The following DYSF variants were observed in gnomAD, a reference collection of about 807,000 sequenced individuals.
DYSF encodes the protein dysferlin.
Under a neutral mutation model 274.9 loss-of-function variants are expected in DYSF, and 212 were observed. The ratio of observed to expected loss-of-function variants is 0.77; its 90% CI spans 0.69 to 0.86. The LOEUF (loss-of-function observed/expected upper bound fraction) is 0.86. Ranked by LOEUF, DYSF falls within the 40% of genes least tolerant of loss-of-function variation. The pLI, the probability that DYSF is intolerant of heterozygous loss-of-function variation, is 0.00. For synonymous variants in DYSF, 1,091 were observed against 1,078.7 expected, an observed-to-expected ratio of 1.01 and a Z score of -0.22; for missense variants, 2,666 against 2,783.2, an observed-to-expected ratio of 0.96 and a Z score of 0.95.
At chr2:71,676,858 A>T (rs1452674102) in intron 52 of DYSF, among the ~76,000 whole-genome samples, 2 of 152,134 alleles carry the variant, frequency 1.3e-5, no homozygotes, top group Non-Finnish European at 2.9e-5. Context: ...AGCACCTATA[A>T]GCTCACCATC....
intron 3 of DYSF, among the ~76,000 whole-genome samples, chr2:71,484,175 C>T (rs2083180789): frequency 6.6e-6 from 1 of 150,530 alleles, no homozygotes; most frequent in Non-Finnish European, 1.5e-5. Flanking sequence ...GCCTCAGCCT[C>T]CCTACTAGCT....
rs771257070 is a variant in DYSF, at chr2:71,679,056, G to C, written c.5885-1G>C. The C allele has an allele frequency of 8.7e-6, 14 of 1,613,832 alleles. No homozygotes were observed. The highest frequency in any genetic ancestry group is 1.2e-5 in the Non-Finnish European group (14 of 1,179,864). The stretch of plus-strand genomic sequence containing the variant: ...GGCCAAAAACTACCTCTCTGTTGCA[G>C]GCTCCCTGCAGCTCGATCTCAACCG... On this transcript the variant is annotated splice_acceptor_variant, in intron 52 of 55. Transcript: ENST00000410020. LOFTEE classifies it high-confidence loss of function.
rs774051571 is a variant in DYSF, at chr2:71,665,297, A to G, written c.5310A>G (p.Glu1770=). Residue 1770 remains glutamate, a synonymous_variant, in exon 47 of 56, where the codon GAA becomes GAG. Transcript: ENST00000410020. ...TTCAGGATAAAGAATATTCCATTGAAGAGATAGGTGAGCTGCCACATGACC... is the reference window on the plus strand; with the variant it reads ...TTCAGGATAAAGAATATTCCATTGAGGAGATAGGTGAGCTGCCACATGACC... ...VMFQDKEYSI[E]EIEAGRIPNP... 4 of 1,614,056 alleles carry G rather than the reference A, an allele frequency of 2.5e-6. No homozygotes were observed. The South Asian group carries it at 4.4e-5, about 18-fold the overall frequency.
chr2:71,526,917 G>A (rs1303352537), intron 13 of DYSF, among the ~76,000 whole-genome samples: 1 of 152,256 alleles, frequency 6.6e-6, no homozygotes, highest in Non-Finnish European at 1.5e-5. Context: ...GGGACAGTGG[G>A]CACCCGACTT....
rs1291807067 is a variant in DYSF, at chr2:71,571,399, TCA to T, written c.3228+662_3228+663del. 5.6e-5 allele frequency among the ~76,000 whole-genome samples: 5 copies of T among 88,864 alleles called. No homozygotes were observed. In the Admixed American group the frequency reaches 6.3e-4, roughly 11 times the overall value. 58.3% of individuals were successfully genotyped at this position (88,864 alleles called of 152,430 possible). A position where few individuals can be genotyped will look rare whatever the true frequency, so the allele number is the denominator to read the frequency against. ...ACAGATCACAGTCAGCACACACAGA[TCA>T]CACCCAGCACACACAGATCACAGTC... On this transcript the variant is annotated intron_variant, in intron 29 of 55. Transcript: ENST00000410020.
intron 48 of DYSF, 29 bp from the exon 49 acceptor site, chr2:71,668,725 T>G: frequency 6.2e-7 from 1 of 1,605,414 alleles, no homozygotes; most frequent in Non-Finnish European, 8.5e-7. Context: ...ATGAGAAGGG[T>G]GGGGAGAGAA....
chr2:71,555,242 A>G (rs2091257245), intron 21 of DYSF, among the ~76,000 whole-genome samples: 1 of 152,162 alleles, frequency 6.6e-6, no homozygotes, highest in African/African-American at 2.4e-5. Context: ...GCTCACAGCA[A>G]GACTCCAGAC....
chr2:71,539,508 T>C (rs565762932), intron 17 of DYSF, among the ~76,000 whole-genome samples: 3 of 152,362 alleles, frequency 2.0e-5, no homozygotes, highest in Non-Finnish European at 2.9e-5. Context: ...GCTGTGGCCA[T>C]GCCATCCATC....
At chr2:71,561,551 G>A (rs934214292) in intron 22 of DYSF, among the ~76,000 whole-genome samples, 4 of 152,222 alleles carry the variant, frequency 2.6e-5, no homozygotes, top group Admixed American at 2.0e-4. Flanking sequence ...AGGCTGACAT[G>A]GGTGAGGAAG....
intron 47 of DYSF, 82 bp downstream of exon 47, chr2:71,665,386 AGACCCAAGCG>A: frequency 6.3e-7 from 1 of 1,590,324 alleles, no homozygotes. Context: ...CTACCATAAA[AGACCCAAGCG>A]GACATAACCC....
chr2:71,581,371 C>T (rs886174918), intron 30 of DYSF, among the ~76,000 whole-genome samples: 25 of 152,208 alleles, frequency 1.6e-4, no homozygotes, highest in Non-Finnish European at 2.1e-4. Context: ...GTTGCACTCT[C>T]GCCTGCTATT....
intron 22 of DYSF, among the ~76,000 whole-genome samples, chr2:71,557,048 G>C (rs950425022): frequency 1.3e-5 from 2 of 152,166 alleles, no homozygotes; most frequent in African/African-American, 4.8e-5. Flanking sequence ...TCCCGGCCCA[G>C]TAGTGGAATT....
At chr2:71,511,156 G>C (rs545903954) in intron 4 of DYSF, among the ~76,000 whole-genome samples, 4 of 152,320 alleles carry the variant, frequency 2.6e-5, no homozygotes, top group Non-Finnish European at 5.9e-5. Flanking sequence ...ACCCGACCTC[G>C]CCTGTGAGGG....
chr2:71,556,185 G>A, intron 22 of DYSF, 114 bp downstream of exon 22: 2 of 886,684 alleles, frequency 2.3e-6, no homozygotes, highest in African/African-American at 1.7e-5. Context: ...GCCACGCTTG[G>A]CCAGCAGTCC....
chr2:71,559,034 C>T (rs545605936), intron 22 of DYSF, among the ~76,000 whole-genome samples: 11 of 152,292 alleles, frequency 7.2e-5, no homozygotes, highest in Admixed American at 4.6e-4. Context: ...CAGCCTGGCC[C>T]ACTTCTCCAG....
chr2:71,534,000 G>A (rs1179850962), intron 14 of DYSF, among the ~76,000 whole-genome samples: 2 of 151,626 alleles, frequency 1.3e-5, no homozygotes, highest in African/African-American at 4.9e-5. Context: ...ACTAACACAA[G>A]GGCCAAATCC....
At chr2:71,505,922 G>A (rs1035315397) in intron 4 of DYSF, among the ~76,000 whole-genome samples, 25 of 152,320 alleles carry the variant, frequency 1.6e-4, no homozygotes, top group Admixed American at 4.6e-4. Flanking sequence ...TGGGAGCGGG[G>A]ACCTGAGGCG....
intron 42 of DYSF, among the ~76,000 whole-genome samples, chr2:71,653,469 A>G (rs996931215): frequency 1.7e-4 from 26 of 152,132 alleles, no homozygotes; most frequent in African/African-American, 4.8e-4. Flanking sequence ...ACCATGGAAT[A>G]CTATGCAGCC....
At chr2:71,671,624 G>C (rs1157473035) in intron 51 of DYSF, among the ~76,000 whole-genome samples, 3 of 152,232 alleles carry the variant, frequency 2.0e-5, no homozygotes, top group African/African-American at 7.2e-5. Context: ...GGTGACTTGA[G>C]ACCAGTGGAA....
Sources: allele counts gnomAD v4.1 joint callset (sites outside exome capture counted in the v4.1 genomes callset), GRCh38; gene constraint gnomAD v4.1.1; transcripts MANE v1.5; gene names NCBI Gene and HGNC (gene_info 2026-07-23, HGNC 2026-07-21).